The following R3HDM2 variants were observed in gnomAD, a reference collection of about 807,000 sequenced individuals.
The protein encoded by R3HDM2 is R3H domain containing 2.
R3HDM2 carries 38 observed loss-of-function variants against 124.5 expected under a neutral mutation model. The observed-to-expected ratio is 0.31, with a 90% CI of 0.24 to 0.40. R3HDM2 has a LOEUF of 0.40. R3HDM2 is among the 10% of genes least tolerant of loss of function. The pLI is 1.00. For synonymous variants in R3HDM2, 391 were observed against 448.0 expected (o/e 0.87, Z 1.61); for missense variants, 869 against 1,236.9 (o/e 0.70, Z 4.46).
Position 57,288,433 on chromosome 12 carries a change from C to A in R3HDM2, c.938+576G>T, listed in dbSNP as rs1188639258. On this transcript the variant is annotated intron_variant, in intron 12 of 23. Coordinates refer to ENST00000402412, the MANE Select transcript of R3HDM2 (RefSeq NM_001394031.1). The stretch of plus-strand genomic sequence containing the variant: ...ATGTATTATTTTTTCTTAAAGATAT[C>A]TTTAAGAAAAAATATTCCTATGCTG... Among the ~76,000 whole-genome samples, 6 of 151,664 alleles carry A rather than the reference C, an allele frequency of 4.0e-5. No individual in the cohort carries two copies. The East Asian group carries it at 9.7e-4, about 25-fold the overall frequency.
intron 2 of R3HDM2, among the ~76,000 whole-genome samples, chr12:57,359,949 G>T (rs2061683580): frequency 6.8e-6 from 1 of 146,992 alleles, no homozygotes; most frequent in Admixed American, 6.9e-5. Context: ...GAACAATACA[G>T]GCTTGAACTG....
At chr12:57,334,478 C>CTTT (rs542776584) in intron 2 of R3HDM2, among the ~76,000 whole-genome samples, 1 of 145,870 alleles carries the variant, frequency 6.9e-6, no homozygotes, top group African/African-American at 2.5e-5. Context: ...TTTCCCTTGC[C>CTTT]TTTTTTTTTT....
intron 2 of R3HDM2, among the ~76,000 whole-genome samples, chr12:57,383,423 C>G (rs1262626487): frequency 2.6e-5 from 4 of 152,104 alleles, no homozygotes; most frequent in African/African-American, 9.7e-5. Flanking sequence ...ATGTGATCGG[C>G]AGGGCGCTGT....
At chr12:57,276,990 T>C (rs1029041576) in intron 14 of R3HDM2, among the ~76,000 whole-genome samples, 2 of 151,622 alleles carry the variant, frequency 1.3e-5, no homozygotes, top group African/African-American at 4.9e-5. Context: ...CAGTGTATAC[T>C]GCTCGGGAGA....
At chr12:57,383,862 G>C (rs537878839) in intron 2 of R3HDM2, among the ~76,000 whole-genome samples, 1 of 152,204 alleles carries the variant, frequency 6.6e-6, no homozygotes, top group South Asian at 2.1e-4. Flanking sequence ...GTAAATATTA[G>C]ATACAATCTA....
intron 19 of R3HDM2, among the ~76,000 whole-genome samples, chr12:57,261,893 A>C (rs1229775782): frequency 6.6e-6 from 1 of 152,110 alleles, no homozygotes; most frequent in Non-Finnish European, 1.5e-5. Context: ...TCAGCTTGAA[A>C]GCTCTGAAAG....
intron 20 of R3HDM2, among the ~76,000 whole-genome samples, chr12:57,258,585 C>A (rs1347311191): frequency 2.0e-5 from 3 of 152,226 alleles, no homozygotes; most frequent in Middle Eastern, 6.8e-3. Context: ...ATCCTCCCGC[C>A]TTGTCCTCCC....
At chr12:57,308,789 T>A (rs1052900567) in intron 3 of R3HDM2, among the ~76,000 whole-genome samples, 1 of 152,330 alleles carries the variant, frequency 6.6e-6, no homozygotes, top group Admixed American at 6.5e-5. Flanking sequence ...CTCCTAAGAA[T>A]AGAATAACTT....
chr12:57,376,607 AATT>A (rs1396020103), intron 2 of R3HDM2, among the ~76,000 whole-genome samples: 7 of 152,124 alleles, frequency 4.6e-5, no homozygotes, highest in Non-Finnish European at 1.0e-4. Context: ...AGTGAAATAA[AATT>A]ATTAAGTTCC....
intron 2 of R3HDM2, among the ~76,000 whole-genome samples, chr12:57,360,006 AAT>A (rs1366274892): frequency 1.4e-3 from 161 of 117,656 alleles, no homozygotes; most frequent in African/African-American, 4.7e-3. Context: ...TAAATAAATA[AAT>A]ATATATATAT....
chr12:57,275,940 G>A (rs376574615), intron 14 of R3HDM2, among the ~76,000 whole-genome samples: 10 of 152,140 alleles, frequency 6.6e-5, no homozygotes, highest in Non-Finnish European at 1.0e-4. Flanking sequence ...AAGTAGGGCC[G>A]GGCGCAGTGG....
rs142558370 is a variant in R3HDM2 at position 57,343,848 on chromosome 12, G to A, written c.-35-33385C>T. On this transcript the variant is annotated intron_variant, in intron 2 of 23. Transcript: ENST00000402412. The stretch of plus-strand genomic sequence containing the variant: ...CTTAGGGGGTTGGAAGGCTGATCCC[G>A]CAGGGCCAAATCGACCACTGAAAGC... 3.9e-3 allele frequency among the ~76,000 whole-genome samples: 588 copies of A among 150,784 alleles called. 1 individual carries two copies. Among genetic ancestry groups the A allele is most frequent in the Admixed American group, 4.1e-3 (62 of 15,134 alleles).
intron 1 of R3HDM2, among the ~76,000 whole-genome samples, chr12:57,413,578 A>T (rs1425664720): frequency 2.6e-5 from 4 of 151,886 alleles, no homozygotes; most frequent in Non-Finnish European, 5.9e-5. Context: ...TGTACTAAAA[A>T]TACAAAAATT....
At chr12:57,339,962 T>C (rs1340780258) in intron 2 of R3HDM2, among the ~76,000 whole-genome samples, 1 of 152,128 alleles carries the variant, frequency 6.6e-6, no homozygotes, top group Admixed American at 6.5e-5. Context: ...GAAAAGGGGA[T>C]AAAAAGAAAC....
At chr12:57,363,255 T>C (rs1428390196) in intron 2 of R3HDM2, among the ~76,000 whole-genome samples, 2 of 152,228 alleles carry the variant, frequency 1.3e-5, no homozygotes, top group African/African-American at 2.4e-5. Flanking sequence ...CCTTATTTCA[T>C]CTACACTTTT....
At chr12:57,366,817 G>A (rs764902777) in intron 2 of R3HDM2, among the ~76,000 whole-genome samples, 13 of 152,120 alleles carry the variant, frequency 8.5e-5, no homozygotes, top group Non-Finnish European at 1.6e-4. Flanking sequence ...AGCCTCCTGA[G>A]TAGCTGGGAC....
chr12:57,306,478 G>T (rs2052602781), intron 3 of R3HDM2, among the ~76,000 whole-genome samples: 1 of 151,408 alleles, frequency 6.6e-6, no homozygotes, highest in Non-Finnish European at 1.5e-5. Flanking sequence ...GTGTGATCTC[G>T]GCTCACTGCA....
chr12:57,384,933 G>A (rs1405140436), intron 2 of R3HDM2, among the ~76,000 whole-genome samples: 1 of 152,112 alleles, frequency 6.6e-6, no homozygotes, highest in East Asian at 1.9e-4. Flanking sequence ...TGGATCACGA[G>A]GTCAGGAGTT....
At chr12:57,343,175 C>G (rs887006283) in intron 2 of R3HDM2, among the ~76,000 whole-genome samples, 4 of 151,180 alleles carry the variant, frequency 2.6e-5, no homozygotes, top group African/African-American at 9.7e-5. Flanking sequence ...AGATATGACC[C>G]TCGGGTCTTA....
Sources: allele counts gnomAD v4.1 joint callset (sites outside exome capture counted in the v4.1 genomes callset), GRCh38; gene constraint gnomAD v4.1.1; transcripts MANE v1.5; gene names NCBI Gene and HGNC (gene_info 2026-07-23, HGNC 2026-07-21).